Variants in PTPN13 observed in about 807,000 individuals in gnomAD.
PTPN13 encodes tyrosine-protein phosphatase non-receptor type 13.
In PTPN13, 191 loss-of-function variants were observed where a neutral mutation model predicts 284.0. The ratio of observed to expected loss-of-function variants is 0.67; its 90% confidence interval spans 0.60 to 0.76. PTPN13 has a LOEUF of 0.76. PTPN13 is among the 30% of genes least tolerant of loss of function. The pLI, the probability that PTPN13 is intolerant of heterozygous loss-of-function variation, is 0.00. For missense variants in PTPN13, 2,797 were observed against 2,939.9 expected, an observed-to-expected ratio of 0.95 and a Z score of 1.12; for synonymous variants, 986 against 1,022.3, an observed-to-expected ratio of 0.96 and a Z score of 0.68.
Position 86,799,159 on chromosome 4 carries a change from G to C in PTPN13, c.6460G>C (p.Asp2154His), listed in dbSNP as rs867217357. 6.3e-7 allele frequency: 1 copy of C among 1,594,440 alleles called. No homozygotes were observed. The change falls in exon 42 of 48, where the codon GAT (aspartate) becomes CAT (histidine). Residue 2154 changes from aspartate to histidine, a missense_variant. Coordinates refer to ENST00000411767, the MANE Select transcript of PTPN13 (RefSeq NM_080683.3). ...TGATGATGAAATAACATGGGGAAATGATGAGTTGCCAATAGAGAGAACAAA... is the reference window on the plus strand; with the variant it reads ...TGATGATGAAATAACATGGGGAAATCATGAGTTGCCAATAGAGAGAACAAA... Reference protein sequence around the residue: ...TDDDEITWGNDELPIERTNHE... With the variant: ...TDDDEITWGNHELPIERTNHE...
intron 35 of PTPN13, 67 bp from the exon 36 acceptor site, chr4:86,780,335 C>T (rs1434010691): frequency 5.2e-6 from 7 of 1,341,270 alleles, no homozygotes; most frequent in Non-Finnish European, 7.3e-6. Flanking sequence ...AGGAGGATTG[C>T]TTGGGCCTGG....
chr4:86,799,477 G>T (rs1319609598), intron 42 of PTPN13, among the ~76,000 whole-genome samples: 2 of 151,716 alleles, frequency 1.3e-5, no homozygotes, highest in Non-Finnish European at 2.9e-5. Context: ...TTACAGGCGG[G>T]TGCCACCATG....
intron 10 of PTPN13, among the ~76,000 whole-genome samples, chr4:86,731,585 C>T (rs12511153): frequency 0.082 from 12,427 of 152,210 alleles, 645 homozygotes; most frequent in Non-Finnish European, 0.11. Context: ...TGGATATATA[C>T]ATATAGGCAC....
chr4:86,638,846 A>G lies in PTPN13; in HGVS notation c.115+3475A>G, dbSNP rs546576498. On this transcript the variant is annotated intron_variant, in intron 2 of 47. Transcript: ENST00000411767. ...TTGACAAATGGGATCTAATTAAACTAAAGAGCTTCTGCACAGCAAAAGAAA... is the reference window on the plus strand; with the variant it reads ...TTGACAAATGGGATCTAATTAAACTGAAGAGCTTCTGCACAGCAAAAGAAA... 1.5e-3 allele frequency among the ~76,000 whole-genome samples: 224 copies of G among 152,288 alleles called. 2 individuals are homozygous for G. Among genetic ancestry groups the G allele is most frequent in the African/African-American group, 5.1e-3 (212 of 41,572 alleles).
chr4:86,714,561 C>T (rs573411395), intron 7 of PTPN13, among the ~76,000 whole-genome samples: 3 of 152,024 alleles, frequency 2.0e-5, no homozygotes, highest in Non-Finnish European at 4.4e-5. Flanking sequence ...ATTTTTTTAA[C>T]CTCTTTTTGC....
chr4:86,650,201 G>A (rs532291419), intron 2 of PTPN13, among the ~76,000 whole-genome samples: 2 of 152,230 alleles, frequency 1.3e-5, no homozygotes, highest in African/African-American at 4.8e-5. Flanking sequence ...TGGCCAGGCT[G>A]GTCTCGAACT....
intron 2 of PTPN13, among the ~76,000 whole-genome samples, chr4:86,657,578 C>T (rs914119715): frequency 1.3e-5 from 2 of 152,056 alleles, no homozygotes; most frequent in Non-Finnish European, 2.9e-5. Context: ...ACTACAGAGT[C>T]TCACCTGAAG....
intron 3 of PTPN13, among the ~76,000 whole-genome samples, chr4:86,674,544 A>G (rs1348608516): frequency 2.0e-5 from 3 of 152,202 alleles, no homozygotes; most frequent in Non-Finnish European, 4.4e-5. Context: ...CTGAAAAAAG[A>G]CTGACAAGAA....
chr4:86,627,445 C>T (rs1457933976), intron 1 of PTPN13, among the ~76,000 whole-genome samples: 1 of 151,848 alleles, frequency 6.6e-6, no homozygotes, highest in African/African-American at 2.4e-5. Context: ...TAAAAACATC[C>T]AGGCAGCTTC....
chr4:86,668,095 T>C (rs1032911507), intron 2 of PTPN13, among the ~76,000 whole-genome samples: 3 of 152,182 alleles, frequency 2.0e-5, no homozygotes, highest in African/African-American at 7.2e-5. Flanking sequence ...AAATTATGTT[T>C]AGCAACTTTT....
intron 1 of PTPN13, among the ~76,000 whole-genome samples, chr4:86,617,443 A>G (rs1720687532): frequency 6.6e-6 from 1 of 152,080 alleles, no homozygotes; most frequent in Admixed American, 6.5e-5. Flanking sequence ...TTTAAATTAT[A>G]TTTTAAGTTT....
At chr4:86,727,257 T>C (rs1480432190) in intron 10 of PTPN13, among the ~76,000 whole-genome samples, 3 of 149,674 alleles carry the variant, frequency 2.0e-5, no homozygotes. Flanking sequence ...TCATCAGGGA[T>C]ATTGGTCTAA....
intron 41 of PTPN13, among the ~76,000 whole-genome samples, chr4:86,797,910 G>GA (rs1487128823): frequency 9.2e-5 from 14 of 151,892 alleles, no homozygotes; most frequent in African/African-American, 3.1e-4. Context: ...AAAAGTTCAT[G>GA]AAAAAATAGA....
intron 1 of PTPN13, among the ~76,000 whole-genome samples, chr4:86,608,645 G>T (rs1170303557): frequency 6.6e-6 from 1 of 152,024 alleles, no homozygotes; most frequent in East Asian, 1.9e-4. Flanking sequence ...ATTAAAATCT[G>T]CCCAAATATA....
At chr4:86,799,464 G>C (rs1743742736) in intron 42 of PTPN13, among the ~76,000 whole-genome samples, 1 of 151,746 alleles carries the variant, frequency 6.6e-6, no homozygotes, top group African/African-American at 2.4e-5. Flanking sequence ...CGAGTAGCTG[G>C]GATTACAGGC....
chr4:86,813,175 G>A (rs753263576), intron 47 of PTPN13, among the ~76,000 whole-genome samples: 1 of 152,154 alleles, frequency 6.6e-6, no homozygotes, highest in Non-Finnish European at 1.5e-5. Flanking sequence ...AAACACATGT[G>A]CACACTCCTT....
At chr4:86,780,127 G>A (rs1565561063) in intron 35 of PTPN13, among the ~76,000 whole-genome samples, 2 of 152,056 alleles carry the variant, frequency 1.3e-5, no homozygotes, top group South Asian at 4.2e-4. Context: ...GGCCAGTCAC[G>A]GTGGCTCACA....
At chr4:86,768,709 C>T (rs10033821) in intron 28 of PTPN13, among the ~76,000 whole-genome samples, 60 of 130,406 alleles carry the variant, frequency 4.6e-4, no homozygotes, top group Middle Eastern at 3.7e-3. Context: ...TTTCTTCCAT[C>T]TTTTTTTTTT....
In PTPN13 at chr4:86,703,572, AAATG is replaced by A. The variant is rs142949375; in HGVS notation, c.1195+1774_1195+1777del. Reference sequence around the variant, plus strand: ...ATCTTTTTTTTATTGTGAATGTTAAAAATGAAATTATAGGCCAGGCATGGTGGGT... The same window carrying A: ...ATCTTTTTTTTATTGTGAATGTTAAAAAATTATAGGCCAGGCATGGTGGGT... On this transcript the variant is annotated intron_variant, in intron 7 of 47. Coordinates refer to ENST00000411767, the MANE Select transcript of PTPN13 (RefSeq NM_080683.3). Among the ~76,000 whole-genome samples the A allele has an allele frequency of 9.3e-3, 1,422 of 152,326 alleles. 33 individuals are homozygous for A. Among genetic ancestry groups the A allele is most frequent in the African/African-American group, 0.033 (1,366 of 41,576 alleles).
Sources: allele counts gnomAD v4.1 joint callset (sites outside exome capture counted in the v4.1 genomes callset), GRCh38; gene constraint gnomAD v4.1.1; transcripts MANE v1.5; gene names NCBI Gene and HGNC (gene_info 2026-07-23, HGNC 2026-07-21).